The following BANP variants were observed in gnomAD, a reference collection of about 807,000 sequenced individuals.
The protein encoded by BANP is BTG3 associated nuclear protein, also known as protein BANP.
BANP carries 11 observed loss-of-function variants against 68.1 expected under a neutral mutation model. The ratio of observed to expected loss-of-function variants is 0.16; its 90% CI spans 0.10 to 0.27. The LOEUF (loss-of-function observed/expected upper bound fraction) is 0.27. BANP is among the 10% of genes least tolerant of loss of function. BANP has a pLI of 1.00. For synonymous variants in BANP, 329 were observed against 303.2 expected, an observed-to-expected ratio of 1.09 and a Z score of -0.88; for missense variants, 504 against 722.7, an observed-to-expected ratio of 0.70 and a Z score of 3.47.
intron 1 of BANP, among the ~76,000 whole-genome samples, chr16:87,970,756 G>C (rs988657952): frequency 2.6e-5 from 4 of 151,978 alleles, no homozygotes; most frequent in Non-Finnish European, 4.4e-5. Context: ...GCGGTGGCTC[G>C]GCCTGTCATC....
intron 7 of BANP, among the ~76,000 whole-genome samples, chr16:88,025,709 T>TA (rs1221132207): frequency 6.6e-6 from 1 of 152,168 alleles, no homozygotes; most frequent in Non-Finnish European, 1.5e-5. Flanking sequence ...ATCGAGTACT[T>TA]AAAAAAACCC....
chr16:87,957,805 T>A lies in BANP; in HGVS notation c.-69+6290T>A, dbSNP rs1410584624. On this transcript the variant is annotated intron_variant, in intron 1 of 13. Coordinates refer to ENST00000682872, the MANE Select transcript of BANP (RefSeq NM_001386991.1). The surrounding 1 kb of genome is among the most constrained non-coding windows in gnomAD (Gnocchi z 4.3). Reference sequence around the variant, plus strand: ...CTTTCACCAGATGACGCGGGGGGAATTGGGCCACGGTCCCTGCTGTCATCA... The same window carrying A: ...CTTTCACCAGATGACGCGGGGGGAAATGGGCCACGGTCCCTGCTGTCATCA... 6.6e-6 allele frequency among the ~76,000 whole-genome samples: 1 copy of A among 152,186 alleles called. No individual in the cohort carries two copies. The highest frequency in any genetic ancestry group is 1.5e-5 in the Non-Finnish European group (1 of 68,032).
chr16:87,998,507 G>C (rs1226572683), intron 4 of BANP, among the ~76,000 whole-genome samples: 1 of 152,200 alleles, frequency 6.6e-6, no homozygotes, highest in African/African-American at 2.4e-5. Context: ...CGGCTCCTGA[G>C]GCTCCATGGC....
At chr16:87,966,999 C>T (rs943579278) in intron 1 of BANP, among the ~76,000 whole-genome samples, 3 of 152,208 alleles carry the variant, frequency 2.0e-5, no homozygotes, top group Admixed American at 1.3e-4. Context: ...CTGGCACCAG[C>T]GGGAGGAGGA....
At chr16:87,965,666 T>C (rs1450372304) in intron 1 of BANP, among the ~76,000 whole-genome samples, 1 of 152,164 alleles carries the variant, frequency 6.6e-6, no homozygotes, top group African/African-American at 2.4e-5. Context: ...TGAGGTTGAT[T>C]GGATGTGGAT....
chr16:88,026,495 C>T (rs1023102784), intron 7 of BANP, among the ~76,000 whole-genome samples: 3 of 152,202 alleles, frequency 2.0e-5, no homozygotes, highest in South Asian at 2.1e-4. Flanking sequence ...CAACAAAGGC[C>T]CCTGTGTTTA....
At chr16:87,966,146 A>T (rs1320275244) in intron 1 of BANP, among the ~76,000 whole-genome samples, 1 of 152,252 alleles carries the variant, frequency 6.6e-6, no homozygotes, top group Non-Finnish European at 1.5e-5. Context: ...TCATGTAATT[A>T]AATCAGTCTC....
chr16:87,969,374 A>C (rs1171062890), intron 1 of BANP, among the ~76,000 whole-genome samples: 1 of 152,162 alleles, frequency 6.6e-6, no homozygotes, highest in Admixed American at 6.5e-5. Context: ...TTGCCCTTCA[A>C]AGAGGTTGTA....
At chr16:88,052,112 T>C (rs72818549) in intron 11 of BANP, among the ~76,000 whole-genome samples, 14,386 of 152,286 alleles carry the variant, frequency 0.094, 886 homozygotes, top group Non-Finnish European at 0.14. Context: ...CCTGGACAGA[T>C]GCTGGTGTAT....
chr16:88,034,237 A>C (rs2078820903), intron 9 of BANP, among the ~76,000 whole-genome samples: 2 of 152,226 alleles, frequency 1.3e-5, no homozygotes, highest in Admixed American at 1.3e-4. Context: ...AAGCTTATTA[A>C]TTTGTTTGAC....
Position 88,025,443 on chromosome 16 carries a change from C to G in BANP, c.896-2040C>G, listed in dbSNP as rs186431505. Among the ~76,000 whole-genome samples the G allele has an allele frequency of 1.1e-4, 16 of 152,252 alleles. No individual in the cohort carries two copies. In the East Asian group the frequency reaches 1.7e-3, roughly 17 times the overall value. ...GACTTGGAGTATTTTAGAGATGACCCGAAAATTGGAAGCCAAAGGGCGGCT... is the reference window on the plus strand; with the variant it reads ...GACTTGGAGTATTTTAGAGATGACCGGAAAATTGGAAGCCAAAGGGCGGCT... On this transcript the variant is annotated intron_variant, in intron 7 of 13. Transcript: ENST00000682872.
intron 11 of BANP, among the ~76,000 whole-genome samples, chr16:88,051,307 G>T (rs1452847325): frequency 1.3e-5 from 2 of 152,262 alleles, no homozygotes; most frequent in Non-Finnish European, 2.9e-5. Flanking sequence ...ATTGAGGTGT[G>T]GGGCGGCCTG....
chr16:88,023,304 A>G (rs1215525144), intron 7 of BANP, among the ~76,000 whole-genome samples: 2 of 152,042 alleles, frequency 1.3e-5, no homozygotes, highest in Non-Finnish European at 2.9e-5. Context: ...CAGACTGAGG[A>G]CAGGTGTCTC....
intron 8 of BANP, 123 bp from the exon 9 acceptor site, chr16:88,032,986 A>G: frequency 8.8e-7 from 1 of 1,137,496 alleles, no homozygotes; most frequent in Non-Finnish European, 1.2e-6. Flanking sequence ...TCGAGGAAAA[A>G]TGAAGCATTT....
chr16:87,979,273 T>G (rs2062810149), intron 2 of BANP, among the ~76,000 whole-genome samples: 1 of 152,198 alleles, frequency 6.6e-6, no homozygotes, highest in Admixed American at 6.5e-5. Flanking sequence ...GAGAGGCCTG[T>G]GCACTTGGCT....
chr16:88,061,276 G>T (rs561990618), intron 11 of BANP, among the ~76,000 whole-genome samples: 1 of 152,236 alleles, frequency 6.6e-6, no homozygotes, highest in Non-Finnish European at 1.5e-5. Context: ...CTGCCTTATA[G>T]CTCTTAGCCT....
chr16:88,048,963 G>A lies in BANP; in HGVS notation c.1311+10952G>A, dbSNP rs577912492. Among the ~76,000 whole-genome samples the A allele has an allele frequency of 1.2e-3, 180 of 152,270 alleles. 1 individual carries two copies. The highest frequency in any genetic ancestry group is 4.3e-3 in the African/African-American group (178 of 41,548). On this transcript the variant is annotated intron_variant, in intron 11 of 13. Coordinates refer to ENST00000682872, the MANE Select transcript of BANP (RefSeq NM_001386991.1). Reference sequence around the variant, plus strand: ...AGACTGCACGGTGCACTGGACTCTGGTGTTGGCAAAGCTCTGCAGACCACA... The same window carrying A: ...AGACTGCACGGTGCACTGGACTCTGATGTTGGCAAAGCTCTGCAGACCACA...
chr16:88,050,367 G>A (rs564587548), intron 11 of BANP, among the ~76,000 whole-genome samples: 1 of 152,280 alleles, frequency 6.6e-6, no homozygotes, highest in Non-Finnish European at 1.5e-5. Context: ...ATGTTGCCAG[G>A]CTGGTCTTGA....
Position 88,036,390 on chromosome 16 carries a change from C to T in BANP, c.1272+996C>T, listed in dbSNP as rs1455628793. On this transcript the variant is annotated intron_variant, in intron 10 of 13. Coordinates refer to ENST00000682872, the MANE Select transcript of BANP (RefSeq NM_001386991.1). The surrounding 1 kb of genome is among the most constrained non-coding windows in gnomAD (Gnocchi z 4.2). ...GCCTCCTGGGAGCTCATGCTGGGTG[C>T]AGGTGCTGTGGGGGAGCAGAGGAGA... is the stretch of plus-strand genomic sequence containing the variant. Among the ~76,000 whole-genome samples the T allele has an allele frequency of 6.6e-6, 1 of 152,166 alleles. No individual in the cohort carries two copies.
Sources: gnomAD v4.1 joint callset for allele counts (sites outside exome capture counted in the v4.1 genomes callset) on GRCh38, gnomAD v4.1.1 for gene constraint, Gnocchi (gnomAD v3.1) non-coding constraint, MANE v1.5 for transcripts, NCBI Gene and HGNC (gene_info 2026-07-23, HGNC 2026-07-21) for gene names.